Variants in BBS4 observed in about 807,000 individuals in gnomAD.
The protein encoded by BBS4 is BBSome complex member BBS4.
BBS4 carries 58 observed loss-of-function variants against 71.4 expected under a neutral mutation model. The ratio of observed to expected loss-of-function variants is 0.81; its 90% CI spans 0.66 to 1.01. The LOEUF (loss-of-function observed/expected upper bound fraction) is 1.01, where lower values mean the gene tolerates loss of function less well. Ranked by LOEUF, BBS4 falls within the 50% of genes least tolerant of loss-of-function variation. The probability of loss-of-function intolerance (pLI) is 0.00; values close to 1 mark genes in which losing one functional copy is unlikely to be tolerated. For synonymous variants in BBS4, 228 were observed against 216.8 expected (o/e 1.05, Z -0.46); for missense variants, 660 against 607.9 (o/e 1.09, Z -0.90).
chr15:72,735,582 C>T, intron 13 of BBS4: 1 of 586,774 alleles, frequency 1.7e-6, no homozygotes, highest in Non-Finnish European at 3.0e-6. Flanking sequence ...TCAACCCTGG[C>T]CTAGGTAGTC....
Position 72,735,199 on chromosome 15 carries a change from G to C in BBS4, c.1106+17G>C. On this transcript the variant is annotated intron_variant, in intron 13 of 15. Transcript: ENST00000268057. ...CCTGGATAAGTATGCACTTTGTTGA[G>C]AATGGTACTGGCGGGGGTTGGACTC... 1 of 1,604,848 alleles carries C rather than the reference G, an allele frequency of 6.2e-7. No individual in the cohort carries two copies. Among genetic ancestry groups the C allele is most frequent in the South Asian group, 1.1e-5 (1 of 90,808 alleles).
Position 72,725,811 on chromosome 15 carries a change from TCCCCCA to T in BBS4, c.587+1157_587+1162del, listed in dbSNP as rs2065671159. 9.5e-3 allele frequency among the ~76,000 whole-genome samples: 180 copies of T among 19,044 alleles called. 18 individuals carry two copies. Among genetic ancestry groups the T allele is most frequent in the Middle Eastern group, 0.056 (2 of 36 alleles). 12.5% of individuals were successfully genotyped at this position (19,044 alleles called of 152,430 possible). Reference sequence around the variant, plus strand: ...TCCTTCCCTCTTCCCCCATCCCCCTTCCCCCATCCCCCTTTCCCCATCCCCCTTTCC... The same window carrying T: ...TCCTTCCCTCTTCCCCCATCCCCCTTTCCCCCTTTCCCCATCCCCCTTTCC... On this transcript the variant is annotated intron_variant, in intron 8 of 15. Coordinates refer to ENST00000268057, the MANE Select transcript of BBS4 (RefSeq NM_033028.5).
chr15:72,722,472 G>T (rs1241039660), intron 6 of BBS4, among the ~76,000 whole-genome samples: 1 of 152,224 alleles, frequency 6.6e-6, no homozygotes, highest in Non-Finnish European at 1.5e-5. Flanking sequence ...AGAAGAAGGA[G>T]CAAAGGGTAT....
At chr15:72,703,649 G>C (rs1403284834) in intron 2 of BBS4, among the ~76,000 whole-genome samples, 1 of 152,130 alleles carries the variant, frequency 6.6e-6, no homozygotes, top group Non-Finnish European at 1.5e-5. Flanking sequence ...CCCCATAGAA[G>C]GCTGGTATTG....
intron 1 of BBS4, among the ~76,000 whole-genome samples, chr15:72,689,780 T>TTTTTTTTATTTATTTA (rs747536794): frequency 6.8e-6 from 1 of 147,594 alleles, no homozygotes; most frequent in East Asian, 2.0e-4. Context: ...TTATAAATCT[T>TTTTTTTTATTTATTTA]TTTATTTATT....
intron 2 of BBS4, chr15:72,698,166 C>T: frequency 2.9e-6 from 1 of 339,908 alleles, no homozygotes; most frequent in East Asian, 7.5e-5. Context: ...AACATACTCA[C>T]TATGTAAAAA....
At chr15:72,705,831 C>T (rs2065255279) in intron 2 of BBS4, among the ~76,000 whole-genome samples, 1 of 151,908 alleles carries the variant, frequency 6.6e-6, no homozygotes, top group Non-Finnish European at 1.5e-5. Context: ...GTGATCCGTC[C>T]ACCTGGGCCT....
chr15:72,731,870 G>A, intron 12 of BBS4, 144 bp downstream of exon 12: 2 of 1,114,048 alleles, frequency 1.8e-6, no homozygotes, highest in Admixed American at 2.4e-5. Flanking sequence ...CCTGGAGCTT[G>A]AAGAAATAGA....
chr15:72,708,343 G>T (rs565967342), intron 2 of BBS4, among the ~76,000 whole-genome samples: 1 of 152,180 alleles, frequency 6.6e-6, no homozygotes, highest in Non-Finnish European at 1.5e-5. Context: ...ACCGGCTGGA[G>T]CTGTGGCAGA....
rs1184702420 is a variant in BBS4 at position 72,729,597 on chromosome 15, T to G, written c.643-19T>G. On this transcript the variant is annotated intron_variant, in intron 9 of 15. Coordinates refer to ENST00000268057, the MANE Select transcript of BBS4 (RefSeq NM_033028.5). The stretch of plus-strand genomic sequence containing the variant: ...GTCTCCTTGCTGATGTAAATTGTCT[T>G]GTTTGCTTTTTTTCCAAGCTCGGCA... 1 of 1,613,154 alleles carries G rather than the reference T, an allele frequency of 6.2e-7. No individual in the cohort carries two copies. Among genetic ancestry groups the G allele is most frequent in the Non-Finnish European group, 8.5e-7 (1 of 1,179,254 alleles).
At chr15:72,730,856 G>A (rs1385890565) in intron 10 of BBS4, among the ~76,000 whole-genome samples, 4 of 152,054 alleles carry the variant, frequency 2.6e-5, no homozygotes, top group East Asian at 1.9e-4. Context: ...AAGCTGACTC[G>A]CCCTCTGTTC....
chr15:72,731,885 G>C (rs2065832982), intron 12 of BBS4, among the ~76,000 whole-genome samples, 159 bp downstream of exon 12: 1 of 152,200 alleles, frequency 6.6e-6, no homozygotes. Context: ...AATAGAAAAA[G>C]ATGACAAAGG....
chr15:72,698,861 T>G (rs568005793), intron 2 of BBS4, among the ~76,000 whole-genome samples: 1 of 152,322 alleles, frequency 6.6e-6, no homozygotes, highest in Admixed American at 6.5e-5. Flanking sequence ...AATCTTTTCC[T>G]TTTGCTAATT....
chr15:72,727,862 C>G, intron 8 of BBS4, 78 bp from the exon 9 acceptor site: 1 of 1,095,306 alleles, frequency 9.1e-7, no homozygotes, highest in South Asian at 1.2e-5. Context: ...AAGTATTGCA[C>G]GAGGGCATAT....
chr15:72,730,150 G>A (rs1253985166), intron 10 of BBS4, among the ~76,000 whole-genome samples: 6 of 151,858 alleles, frequency 4.0e-5, no homozygotes, highest in Non-Finnish European at 8.8e-5. Flanking sequence ...GGTGGCGGGC[G>A]CCTGTAGTCC....
intron 15 of BBS4, 139 bp from the exon 16 acceptor site, chr15:72,737,339 A>G (rs2065945790): frequency 8.2e-6 from 6 of 728,872 alleles, no homozygotes; most frequent in East Asian, 2.7e-5. Context: ...TCTCAGTTAT[A>G]GTCTTCCCTT....
intron 2 of BBS4, among the ~76,000 whole-genome samples, chr15:72,701,906 C>T (rs2065176557): frequency 6.6e-6 from 1 of 152,080 alleles, no homozygotes; most frequent in Admixed American, 6.6e-5. Flanking sequence ...GGTGCGATTT[C>T]CGCTCACCAC....
intron 8 of BBS4, among the ~76,000 whole-genome samples, chr15:72,725,230 T>TAAAA (rs537278982): frequency 6.8e-6 from 1 of 146,376 alleles, no homozygotes; most frequent in South Asian, 2.2e-4. Flanking sequence ...CCAGCTAATT[T>TAAAA]AAAAAAAAAA....
At chr15:72,688,286 G>A (rs1010791538) in intron 1 of BBS4, among the ~76,000 whole-genome samples, 3 of 151,574 alleles carry the variant, frequency 2.0e-5, no homozygotes, top group Non-Finnish European at 4.4e-5. Flanking sequence ...TAAGCCTGAA[G>A]TTAACTGTTT....
Sources: gnomAD v4.1 joint callset for allele counts (sites outside exome capture counted in the v4.1 genomes callset) on GRCh38, gnomAD v4.1.1 for gene constraint, MANE v1.5 for transcripts, NCBI Gene and HGNC (gene_info 2026-07-23, HGNC 2026-07-21) for gene names.